ZFHX3: variants seen among roughly 807,000 people sequenced by gnomAD.
ZFHX3 encodes the protein zinc finger homeobox 3.
In ZFHX3, 42 loss-of-function variants were observed where a neutral mutation model predicts 279.1. The observed-to-expected ratio is 0.15, with a 90% CI of 0.12 to 0.19. The LOEUF is 0.19. ZFHX3 is among the 10% of genes least tolerant of loss of function. The pLI is 1.00. For missense variants in ZFHX3, 4,981 were observed against 4,754.0 expected, an observed-to-expected ratio of 1.05 and a Z score of -1.40; for synonymous variants, 2,293 against 1,957.8, an observed-to-expected ratio of 1.17 and a Z score of -4.52.
At chr16:72,799,430 A>T (rs2036024012) in intron 8 of ZFHX3, among the ~76,000 whole-genome samples, 1 of 152,228 alleles carries the variant, frequency 6.6e-6, no homozygotes. Flanking sequence ...GAGAGAAGGC[A>T]GGACAGTAGT....
chr16:73,076,801 A>G (rs1965890144), intron 8 of ZFHX3, among the ~76,000 whole-genome samples: 1 of 152,162 alleles, frequency 6.6e-6, no homozygotes, highest in Non-Finnish European at 1.5e-5. Context: ...GAATTTTCAG[A>G]AGCATGTGAA....
rs531913219 is a variant in ZFHX3 at position 72,784,927 on chromosome 16, GA to G, written c.*2236del. ...TAGTCCCGGCTAAAAAAGAAAAAAA[GA>G]AAAAAAATCCATTTTCAGATCTTGG... On this transcript the variant is annotated 3_prime_UTR_variant, in exon 10 of 10. Transcript: ENST00000268489. 4 of 152,268 alleles carry G rather than the reference GA, an allele frequency of 2.6e-5. No individual in the cohort carries two copies. Among genetic ancestry groups the G allele is most frequent in the Admixed American group, 6.6e-5 (1 of 15,262 alleles). 9.4% of individuals were successfully genotyped at this position (152,268 alleles called of 1,614,324 possible).
intron 3 of ZFHX3, among the ~76,000 whole-genome samples, chr16:73,404,627 C>T (rs972750564): frequency 6.6e-6 from 1 of 152,204 alleles, no homozygotes; most frequent in Non-Finnish European, 1.5e-5. Flanking sequence ...TACTTCACAT[C>T]TTATACATGT....
intron 2 of ZFHX3, among the ~76,000 whole-genome samples, chr16:73,582,555 A>G (rs1267216324): frequency 6.6e-6 from 1 of 151,842 alleles, no homozygotes. Context: ...GCTCACCACA[A>G]GCTCCACCTC....
At chr16:73,272,345 T>TA (rs1214950370) in intron 4 of ZFHX3, among the ~76,000 whole-genome samples, 5 of 152,254 alleles carry the variant, frequency 3.3e-5, no homozygotes, top group East Asian at 1.9e-4. Context: ...GTCTTTGAAG[T>TA]AAAAAAATCT....
intron 1 of ZFHX3, among the ~76,000 whole-genome samples, chr16:73,783,085 C>G (rs1240898252): frequency 6.6e-6 from 1 of 152,176 alleles, no homozygotes; most frequent in East Asian, 1.9e-4. Flanking sequence ...GCAGCCCACT[C>G]CCAGCTTCAT....
intron 1 of ZFHX3, among the ~76,000 whole-genome samples, chr16:73,882,907 G>T (rs936646413): frequency 4.6e-5 from 7 of 152,068 alleles, no homozygotes; most frequent in African/African-American, 1.7e-4. Context: ...AAGCTTGTGG[G>T]TCATTTGTTC....
chr16:73,552,726 A>G lies in ZFHX3; in HGVS notation c.-1546-96468T>C, dbSNP rs532975285. Among the ~76,000 whole-genome samples the G allele has an allele frequency of 3.4e-5, 4 of 117,746 alleles. No homozygotes were observed. In the East Asian group the frequency reaches 8.7e-4, roughly 26 times the overall value. The allele number at this position is 117,746 out of a possible 152,430, so 77.2% of individuals were successfully genotyped here. ...ATGAGGGAAGAAAGGCATTTTGTTC[A>G]GTAGCAAAAGAACATTAGGTACCTG... is the stretch of plus-strand genomic sequence containing the variant. On this transcript the variant is annotated intron_variant, in intron 2 of 17. Transcript: ENST00000641206.
At chr16:73,516,279 C>T (rs1567507097) in intron 2 of ZFHX3, among the ~76,000 whole-genome samples, 1 of 152,190 alleles carries the variant, frequency 6.6e-6, no homozygotes, top group East Asian at 1.9e-4. Flanking sequence ...CCAGGGCTTA[C>T]ATCCTACCGT....
At chr16:72,870,954 A>G (rs2038146553) in intron 4 of ZFHX3, among the ~76,000 whole-genome samples, 1 of 152,158 alleles carries the variant, frequency 6.6e-6, no homozygotes, top group Admixed American at 6.5e-5. Context: ...AAGGGGCACC[A>G]TGTGTGAAAT....
intron 1 of ZFHX3, among the ~76,000 whole-genome samples, chr16:73,871,339 G>T (rs200240510): frequency 6.6e-6 from 1 of 152,190 alleles, no homozygotes; most frequent in East Asian, 1.9e-4. Flanking sequence ...TAAACCGCCT[G>T]TCCGCAAGAA....
At chr16:73,103,368 G>T (rs1966255651) in intron 7 of ZFHX3, among the ~76,000 whole-genome samples, 1 of 151,878 alleles carries the variant, frequency 6.6e-6, no homozygotes, top group African/African-American at 2.4e-5. Flanking sequence ...ACCAGACTCT[G>T]CCTCTTCCTT....
At chr16:73,005,665 C>T (rs1963675659) in intron 1 of ZFHX3, 1 of 152,340 alleles carries the variant, frequency 6.6e-6, no homozygotes, top group Admixed American at 6.5e-5. Context: ...TGGCCGGCGC[C>T]TGTAGTCCCA....
intron 3 of ZFHX3, among the ~76,000 whole-genome samples, chr16:73,335,424 T>A (rs1025176014): frequency 1.3e-5 from 2 of 152,238 alleles, no homozygotes; most frequent in African/African-American, 4.8e-5. Context: ...CTTTGCTGAA[T>A]ATATCCAGTA....
chr16:73,234,759 T>C (rs183486953), intron 5 of ZFHX3, among the ~76,000 whole-genome samples: 25 of 152,368 alleles, frequency 1.6e-4, no homozygotes, highest in Non-Finnish European at 2.6e-4. Flanking sequence ...GTTTCTCCAC[T>C]GGGCTCAAGG....
At chr16:73,852,698 C>T (rs1345161941) in intron 1 of ZFHX3, among the ~76,000 whole-genome samples, 1 of 152,126 alleles carries the variant, frequency 6.6e-6, no homozygotes, top group Non-Finnish European at 1.5e-5. Flanking sequence ...AGCTTTCTCA[C>T]CCAGGCAAGA....
At chr16:73,108,393 G>T (rs1193808491) in intron 7 of ZFHX3, among the ~76,000 whole-genome samples, 1 of 151,908 alleles carries the variant, frequency 6.6e-6, no homozygotes, top group Non-Finnish European at 1.5e-5. Context: ...ACGATGAAGA[G>T]GAGAAGGATG....
At chr16:73,091,831 C>T (rs957957549) in intron 8 of ZFHX3, among the ~76,000 whole-genome samples, 6 of 152,168 alleles carry the variant, frequency 3.9e-5, no homozygotes, top group Non-Finnish European at 5.9e-5. Context: ...AAGGGTATTT[C>T]GAGACGCTAG....
At chr16:72,882,996 G>A (rs2038528649) in intron 4 of ZFHX3, among the ~76,000 whole-genome samples, 1 of 125,202 alleles carries the variant, frequency 8.0e-6, no homozygotes, top group Non-Finnish European at 1.7e-5. Context: ...GTGTGTGTGT[G>A]TGTGTGTGTG....
Sources: gnomAD v4.1 joint callset for allele counts (sites outside exome capture counted in the v4.1 genomes callset) on GRCh38, gnomAD v4.1.1 for gene constraint, MANE v1.5 for transcripts, NCBI Gene and HGNC (gene_info 2026-07-23, HGNC 2026-07-21) for gene names.